The following NUDT13 variants were observed in gnomAD, a reference collection of about 807,000 sequenced individuals.
NUDT13 encodes NAD(P)H pyrophosphatase NUDT13, mitochondrial.
In NUDT13, 40 loss-of-function variants were observed where a neutral mutation model predicts 41.7. The observed-to-expected ratio is 0.96, with a 90% CI of 0.75 to 1.25. The LOEUF (loss-of-function observed/expected upper bound fraction) is 1.25, where lower values mean the gene tolerates loss of function less well. Among genes scored for constraint, NUDT13 ranks in the 50% most tolerant of loss-of-function variants. The probability of loss-of-function intolerance (pLI) is 0.00; values close to 1 mark genes in which losing one functional copy is unlikely to be tolerated. For missense variants in NUDT13, 390 were observed against 416.1 expected (o/e 0.94, Z 0.55); for synonymous variants, 145 against 155.5 (o/e 0.93, Z 0.50).
intron 1 of NUDT13, among the ~76,000 whole-genome samples, chr10:73,112,077 G>C (rs531167647): frequency 6.6e-6 from 1 of 152,146 alleles, no homozygotes; most frequent in Non-Finnish European, 1.5e-5. Context: ...AAGGCCGGGG[G>C]CAGTGGCTCT....
In NUDT13 at chr10:73,129,713, C is replaced by T. The variant is rs186329764; in HGVS notation, c.859-990C>T. Among the ~76,000 whole-genome samples, 1,421 of 150,394 alleles carry T rather than the reference C, an allele frequency of 9.4e-3. 23 individuals are homozygous for T. The highest frequency in any genetic ancestry group is 0.033 in the African/African-American group (1,336 of 40,928). On this transcript the variant is annotated intron_variant, in intron 8 of 8. Transcript: ENST00000357321. Reference sequence around the variant, plus strand: ...AAAAGAGTGGCTGGGCACAGTGGCTCACGCCTGTAATCTCAACACTTTGGG... The same window carrying T: ...AAAAGAGTGGCTGGGCACAGTGGCTTACGCCTGTAATCTCAACACTTTGGG...
intron 2 of NUDT13, 77 bp downstream of exon 2, chr10:73,114,525 ATATT>A (rs1385766230): frequency 1.8e-6 from 1 of 565,114 alleles, no homozygotes; most frequent in African/African-American, 2.0e-5. Flanking sequence ...TTTTATATAT[ATATT>A]TAGGTTTATG....
intron 4 of NUDT13, 90 bp downstream of exon 4, chr10:73,122,399 G>C (rs956749202): frequency 8.1e-7 from 1 of 1,239,412 alleles, no homozygotes. Context: ...AAAATTTGGG[G>C]AATACAAAAG....
rs745762207 is a variant in NUDT13, at chr10:73,125,524, G to T, written c.703+15G>T. ...TTGTGATATAGGTGAGGAGTTTAGG[G>T]GATATACAGGTGACACTGGAAGATA... On this transcript the variant is annotated intron_variant, in intron 7 of 8. Coordinates refer to ENST00000357321, the MANE Select transcript of NUDT13 (RefSeq NM_015901.6). 6.7e-7 allele frequency: 1 copy of T among 1,485,510 alleles called. No homozygotes were observed. Among genetic ancestry groups the T allele is most frequent in the Non-Finnish European group, 9.2e-7 (1 of 1,081,652 alleles). The allele number at this position is 1,485,510 out of a possible 1,614,324, so 92.0% of individuals were successfully genotyped here.
At chr10:73,116,787 C>A (rs1042320888) in intron 2 of NUDT13, among the ~76,000 whole-genome samples, 2 of 150,160 alleles carry the variant, frequency 1.3e-5, no homozygotes, top group Non-Finnish European at 2.9e-5. Context: ...CCTACATGAA[C>A]AAGAGTGAAC....
chr10:73,120,704 C>T (rs7077047), intron 3 of NUDT13, among the ~76,000 whole-genome samples: 7,298 of 150,886 alleles, frequency 0.048, 552 homozygotes, highest in African/African-American at 0.16. Flanking sequence ...TTTGGGAGGC[C>T]GAGGAGGGCA....
rs559347358 is a variant in NUDT13, at chr10:73,130,184, C to T, written c.859-519C>T. The stretch of plus-strand genomic sequence containing the variant: ...ATGTTAGAAATATATTTAACTCGGC[C>T]GGGCACAGTGGCTCACACCTGTAAT... On this transcript the variant is annotated intron_variant, in intron 8 of 8. Transcript: ENST00000357321. The T allele has an allele frequency of 6.1e-4, 91 of 149,082 alleles. No individual in the cohort carries two copies. The South Asian group carries it at 6.6e-3, about 11-fold the overall frequency. The allele number at this position is 149,082 out of a possible 1,614,324, so 9.2% of individuals were successfully genotyped here.
chr10:73,128,985 A>G (rs1394373648), intron 8 of NUDT13, among the ~76,000 whole-genome samples: 1 of 152,142 alleles, frequency 6.6e-6, no homozygotes, highest in East Asian at 1.9e-4. Context: ...CACTGTTTAT[A>G]TAAGACAATT....
chr10:73,131,048 T>TG lies in NUDT13; in HGVS notation c.*145_*146insG. The TG allele has an allele frequency of 3.3e-6, 2 of 606,512 alleles. No individual in the cohort carries two copies. The highest frequency in any genetic ancestry group is 5.7e-6 in the Non-Finnish European group (2 of 348,434). The allele number at this position is 606,512 out of a possible 1,614,324, so 37.6% of individuals were successfully genotyped here. A position where few individuals can be genotyped will look rare whatever the true frequency, so the allele number is the denominator to read the frequency against. On this transcript the variant is annotated 3_prime_UTR_variant, in exon 9 of 9. Coordinates refer to ENST00000357321, the MANE Select transcript of NUDT13 (RefSeq NM_015901.6). ...GGGTGAGCCTACAGTAAGACACTTCTATCAGCAGTGTTAATGGAAGAAATT... is the reference window on the plus strand; with the variant it reads ...GGGTGAGCCTACAGTAAGACACTTCTGATCAGCAGTGTTAATGGAAGAAATT...
At chr10:73,127,637 C>G (rs1204024977) in intron 8 of NUDT13, among the ~76,000 whole-genome samples, 1 of 151,240 alleles carries the variant, frequency 6.6e-6, no homozygotes, top group Non-Finnish European at 1.5e-5. Context: ...AAGTATATAC[C>G]CTTGAAATTA....
At position 73,130,902 on chromosome 10, in the gene NUDT13, A is replaced by G. The variant is rs1564656586; in HGVS notation, c.1058A>G (p.Ter353TrpextTer21). The change falls in exon 9 of 9, where the codon TAG (stop) becomes TGG (tryptophan). Residue 353 changes from the stop codon to tryptophan (W), a stop_lost. Transcript: ENST00000357321. ...CAGACCTGTTCTTCCCTGCCTGCTT[A>G]GCCCGGATCAAGTCACTTAGATCGC... Reference protein sequence around the residue: ...EKQTCSSLPA* With the variant: ...EKQTCSSLPAW 1.2e-6 allele frequency: 2 copies of G among 1,612,812 alleles called. No individual in the cohort carries two copies. Among genetic ancestry groups the G allele is most frequent in the Non-Finnish European group, 1.7e-6 (2 of 1,179,208 alleles).
Position 73,126,772 on chromosome 10 carries a change from C to G in NUDT13, c.803C>G (p.Pro268Arg). 6.2e-7 allele frequency: 1 copy of G among 1,614,156 alleles called. No individual in the cohort carries two copies. Among genetic ancestry groups the G allele is most frequent in the Non-Finnish European group, 8.5e-7 (1 of 1,180,010 alleles). Residue 268 changes from proline (P) to arginine (R), a missense_variant, in exon 8 of 9, where the codon CCT becomes CGT. Transcript: ENST00000357321. ...QYYASQHWPFPSGSLMIACHA... is the reference protein window; with the variant it reads ...QYYASQHWPFRSGSLMIACHA... ...TATGCATCCCAGCATTGGCCCTTCCCTAGTGGCTCACTCATGATTGCTTGC... is the reference window on the plus strand; with the variant it reads ...TATGCATCCCAGCATTGGCCCTTCCGTAGTGGCTCACTCATGATTGCTTGC...
chr10:73,117,481 C>G (rs899337818), intron 2 of NUDT13, among the ~76,000 whole-genome samples: 5 of 148,922 alleles, frequency 3.4e-5, no homozygotes, highest in African/African-American at 9.9e-5. Flanking sequence ...CACTTGGACC[C>G]GGGAGGCAGA....
intron 2 of NUDT13, among the ~76,000 whole-genome samples, chr10:73,118,265 A>C (rs1842562968): frequency 2.0e-5 from 3 of 152,210 alleles, no homozygotes; most frequent in Admixed American, 2.0e-4. Flanking sequence ...ATTTATAAAG[A>C]GCTCATCGTA....
rs1263064686 is a variant in NUDT13 at position 73,124,275 on chromosome 10, G to T, written c.420G>T (p.Lys140Asn). The stretch of plus-strand genomic sequence containing the variant: ...AGGGGTCTTTCATTGAGCTGAGAAA[G>T]GCACTCTTTCAACTCAATGCAAGGG... ...ELKGSFIELR[K>N]ALFQLNARDA... Residue 140 changes from lysine (K) to asparagine (N), a missense_variant, in exon 5 of 9, where the codon AAG (lysine) becomes AAT (asparagine). Lys to Asn is a moderately conservative substitution (Grantham distance 94). Transcript: ENST00000357321. 6.2e-7 allele frequency: 1 copy of T among 1,613,546 alleles called. No homozygotes were observed. The highest frequency in any genetic ancestry group is 8.5e-7 in the Non-Finnish European group (1 of 1,179,922).
At chr10:73,113,377 T>C (rs1842417642) in intron 1 of NUDT13, among the ~76,000 whole-genome samples, 1 of 152,244 alleles carries the variant, frequency 6.6e-6, no homozygotes, top group African/African-American at 2.4e-5. Flanking sequence ...CCAGTTTACA[T>C]TCTGAGTGGT....
chr10:73,121,400 A>G (rs1368052336), intron 3 of NUDT13, among the ~76,000 whole-genome samples: 1 of 152,196 alleles, frequency 6.6e-6, no homozygotes, highest in Non-Finnish European at 1.5e-5. Flanking sequence ...ACTCCATCAG[A>G]AGGCACTAAA....
chr10:73,125,445 G>A lies in NUDT13; in HGVS notation c.639G>A (p.Leu213=). ...ITLVSDGTRC[L]LARQSSFPKG... is the part of the protein sequence containing the mutation. The stretch of plus-strand genomic sequence containing the variant: ...TGGTGTCAGATGGGACCCGATGCCT[G>A]CTTGCCCGCCAAAGCTCCTTTCCCA... The change falls in exon 7 of 9, where the codon CTG becomes CTA. Residue 213 remains leucine, a synonymous_variant. Transcript: ENST00000357321. 6.2e-7 allele frequency: 1 copy of A among 1,613,018 alleles called. No individual in the cohort carries two copies.
intron 4 of NUDT13, among the ~76,000 whole-genome samples, chr10:73,123,822 C>A (rs1291345629): frequency 1.3e-5 from 2 of 151,798 alleles, no homozygotes; most frequent in African/African-American, 2.4e-5. Context: ...CCAAGCCCAG[C>A]TAATTTTTGT....
Sources: allele counts gnomAD v4.1 joint callset (sites outside exome capture counted in the v4.1 genomes callset), GRCh38; gene constraint gnomAD v4.1.1; transcripts MANE v1.5; gene names NCBI Gene and HGNC (gene_info 2026-07-23, HGNC 2026-07-21).